Variants in CNTNAP2 observed in about 807,000 individuals in gnomAD.
CNTNAP2 encodes the protein contactin associated protein 2, also known as contactin-associated protein-like 2.
Under a neutral mutation model 155.2 loss-of-function variants are expected in CNTNAP2, and 98 were observed. That is an observed-to-expected ratio of 0.63 (90% CI 0.54 to 0.75). CNTNAP2 has a LOEUF of 0.75. Ranked by LOEUF, CNTNAP2 falls within the 30% of genes least tolerant of loss-of-function variation. The pLI is 0.00. For missense variants in CNTNAP2, 1,727 were observed against 1,688.1 expected, an observed-to-expected ratio of 1.02 and a Z score of -0.40; for synonymous variants, 651 against 631.2, an observed-to-expected ratio of 1.03 and a Z score of -0.47.
Position 146,855,807 on chromosome 7 carries a change from G to GTA in CNTNAP2, c.402+15948_402+15949dup, listed in dbSNP as rs367900395. ...TAAAAATATATGTGTGTGTTAATGA[G>GTA]TATATATATATATATATATATATAT... On this transcript the variant is annotated intron_variant, in intron 3 of 23. Coordinates refer to ENST00000361727, the MANE Select transcript of CNTNAP2 (RefSeq NM_014141.6). Among the ~76,000 whole-genome samples, 286 of 110,894 alleles carry GTA rather than the reference G, an allele frequency of 2.6e-3. 1 individual carries two copies. Among genetic ancestry groups the GTA allele is most frequent in the Non-Finnish European group, 3.4e-3 (177 of 52,590 alleles). 72.8% of individuals were successfully genotyped at this position (110,894 alleles called of 152,430 possible).
At chr7:146,443,075 G>A (rs191899828) in intron 1 of CNTNAP2, among the ~76,000 whole-genome samples, 5 of 151,744 alleles carry the variant, frequency 3.3e-5, no homozygotes, top group Non-Finnish European at 5.9e-5. Flanking sequence ...TTAGCTGGGC[G>A]TGGTGGCGGG....
intron 13 of CNTNAP2, among the ~76,000 whole-genome samples, chr7:147,814,387 G>A (rs1190755826): frequency 6.6e-6 from 1 of 152,222 alleles, no homozygotes; most frequent in African/African-American, 2.4e-5. Context: ...ACCTTGTTAT[G>A]CATTTGTCTC....
chr7:147,105,441 C>G (rs1245023238), intron 4 of CNTNAP2, among the ~76,000 whole-genome samples: 1 of 151,830 alleles, frequency 6.6e-6, no homozygotes, highest in Non-Finnish European at 1.5e-5. Context: ...GAGTGATAAG[C>G]AATCAGGATA....
intron 12 of CNTNAP2, among the ~76,000 whole-genome samples, chr7:147,621,270 G>A (rs1328012152): frequency 6.6e-6 from 1 of 152,044 alleles, no homozygotes; most frequent in Non-Finnish European, 1.5e-5. Flanking sequence ...GGATGTTAAT[G>A]AGCAATAAGA....
intron 3 of CNTNAP2, among the ~76,000 whole-genome samples, chr7:146,964,939 C>A (rs1261601833): frequency 6.6e-6 from 1 of 151,570 alleles, no homozygotes; most frequent in African/African-American, 2.4e-5. Flanking sequence ...TGTTGAGAAT[C>A]GTTTAGGAAA....
chr7:146,885,597 T>C (rs1795639468), intron 3 of CNTNAP2, among the ~76,000 whole-genome samples: 1 of 152,314 alleles, frequency 6.6e-6, no homozygotes, highest in Admixed American at 6.5e-5. Context: ...ATATCTTTAA[T>C]TATTTAAGAT....
intron 13 of CNTNAP2, among the ~76,000 whole-genome samples, chr7:147,811,992 G>GA (rs995198367): frequency 3.3e-5 from 5 of 152,120 alleles, no homozygotes; most frequent in South Asian, 2.1e-4. Context: ...AGATTAGAAG[G>GA]AAAAAAATCA....
intron 12 of CNTNAP2, among the ~76,000 whole-genome samples, chr7:147,585,717 A>G (rs1800606542): frequency 6.6e-6 from 1 of 151,712 alleles, no homozygotes; most frequent in African/African-American, 2.4e-5. Flanking sequence ...TTTCTATGGA[A>G]TTTCTGTGGT....
At chr7:148,240,564 G>A (rs1796127155) in intron 20 of CNTNAP2, among the ~76,000 whole-genome samples, 1 of 152,094 alleles carries the variant, frequency 6.6e-6, no homozygotes, top group South Asian at 2.1e-4. Flanking sequence ...AATTTAAAAG[G>A]GTCTTTATTG....
chr7:146,660,992 A>T (rs1015355233), intron 1 of CNTNAP2, among the ~76,000 whole-genome samples: 1 of 152,192 alleles, frequency 6.6e-6, no homozygotes, highest in East Asian at 1.9e-4. Context: ...CAGGGTAAAA[A>T]GCACTGGAAC....
chr7:146,282,180 C>T (rs1354142050), intron 1 of CNTNAP2, among the ~76,000 whole-genome samples: 1 of 152,182 alleles, frequency 6.6e-6, no homozygotes, highest in Non-Finnish European at 1.5e-5. Context: ...TGTGTATAGA[C>T]TCATGACAAT....
intron 1 of CNTNAP2, chr7:146,117,275 T>A: frequency 2.6e-6 from 1 of 377,536 alleles, no homozygotes; most frequent in South Asian, 4.5e-5. Context: ...GAGTTGTTTG[T>A]GCAGGGAGAG....
intron 2 of CNTNAP2, among the ~76,000 whole-genome samples, chr7:146,804,825 A>G (rs1429239808): frequency 2.0e-5 from 3 of 152,280 alleles, no homozygotes; most frequent in Non-Finnish European, 2.9e-5. Flanking sequence ...AGTCTCAATG[A>G]TGTATTCCTC....
chr7:146,894,512 T>C (rs1448368877), intron 3 of CNTNAP2, among the ~76,000 whole-genome samples: 1 of 152,202 alleles, frequency 6.6e-6, no homozygotes, highest in Admixed American at 6.5e-5. Context: ...TATGCTTCAA[T>C]CTTTTGTACA....
intron 8 of CNTNAP2, among the ~76,000 whole-genome samples, chr7:147,168,909 A>G (rs1161513176): frequency 6.6e-6 from 1 of 152,178 alleles, no homozygotes; most frequent in Admixed American, 6.5e-5. Flanking sequence ...CATATATGAC[A>G]TATAGAATAT....
chr7:147,985,521 A>C (rs370240709), intron 15 of CNTNAP2, among the ~76,000 whole-genome samples: 113 of 144,086 alleles, frequency 7.8e-4, no homozygotes, highest in Middle Eastern at 3.8e-3. Flanking sequence ...GCTGGTTCTG[A>C]AAGCAGAGAT....
chr7:147,781,692 G>T (rs139488178), intron 13 of CNTNAP2, among the ~76,000 whole-genome samples: 1 of 152,228 alleles, frequency 6.6e-6, no homozygotes, highest in African/African-American at 2.4e-5. Context: ...ACTCCTAAAA[G>T]CTTACTAGTC....
intron 1 of CNTNAP2, among the ~76,000 whole-genome samples, chr7:146,642,488 T>C (rs1347901816): frequency 6.6e-6 from 1 of 151,946 alleles, no homozygotes; most frequent in East Asian, 1.9e-4. Flanking sequence ...GGACATGAAC[T>C]CATCATTTCT....
At chr7:146,403,523 T>G (rs1795743988) in intron 1 of CNTNAP2, among the ~76,000 whole-genome samples, 2 of 152,218 alleles carry the variant, frequency 1.3e-5, no homozygotes, top group Non-Finnish European at 2.9e-5. Context: ...GATCAGTTTC[T>G]AATTAATACA....
Sources: gnomAD v4.1 joint callset for allele counts (sites outside exome capture counted in the v4.1 genomes callset) on GRCh38, gnomAD v4.1.1 for gene constraint, MANE v1.5 for transcripts, NCBI Gene and HGNC (gene_info 2026-07-23, HGNC 2026-07-21) for gene names.